Variants in MED15 observed in about 807,000 individuals in gnomAD.
MED15 encodes mediator complex subunit 15.
MED15 carries 41 observed loss-of-function variants against 118.7 expected under a neutral mutation model. That is an observed-to-expected ratio of 0.35 (90% CI 0.27 to 0.45). The LOEUF (loss-of-function observed/expected upper bound fraction) is 0.45. Among genes scored for constraint, MED15 ranks in the 20% least tolerant of loss-of-function variants. MED15 has a pLI of 1.00. For synonymous variants in MED15, 436 were observed against 413.9 expected, an observed-to-expected ratio of 1.05 and a Z score of -0.65; for missense variants, 740 against 1,025.5, an observed-to-expected ratio of 0.72 and a Z score of 3.80.
At chr22:20,547,336 C>G (rs566770873) in intron 2 of MED15, among the ~76,000 whole-genome samples, 2 of 152,254 alleles carry the variant, frequency 1.3e-5, no homozygotes, top group South Asian at 4.1e-4. Context: ...ATATTCAGCT[C>G]ATTTGTTTTA....
chr22:20,561,412 T>TG (rs1345675495), intron 5 of MED15, among the ~76,000 whole-genome samples: 4 of 151,428 alleles, frequency 2.6e-5, no homozygotes, highest in Non-Finnish European at 5.9e-5. Flanking sequence ...CCCAGCTACT[T>TG]GGGAGGCTGA....
rs2056908166 is a variant in MED15 at position 20,579,258 on chromosome 22, AG to A, written c.1273-3349del. Among the ~76,000 whole-genome samples, 3 of 152,232 alleles carry A rather than the reference AG, an allele frequency of 2.0e-5. No homozygotes were observed. The South Asian group carries it at 6.2e-4, about 32-fold the overall frequency. On this transcript the variant is annotated intron_variant, in intron 9 of 17. Coordinates refer to ENST00000263205, the MANE Select transcript of MED15 (RefSeq NM_001003891.3). ...AGCCTGTCTTTGGATGAGTCTTTGC[AG>A]GGGCTGCTTCTCATCCCAGGTGCTG...
chr22:20,553,093 G>A, intron 3 of MED15, 52 bp from the exon 4 acceptor site: 1 of 1,544,134 alleles, frequency 6.5e-7, no homozygotes, highest in Non-Finnish European at 8.9e-7. Context: ...GGAAATATGT[G>A]GTTATATAAA....
At chr22:20,581,168 C>G (rs940557687) in intron 9 of MED15, among the ~76,000 whole-genome samples, 1 of 152,220 alleles carries the variant, frequency 6.6e-6, no homozygotes, top group Non-Finnish European at 1.5e-5. Context: ...ACGGCCTGCA[C>G]CCAGCATCCC....
chr22:20,585,658 C>T, intron 16 of MED15, 70 bp from the exon 17 acceptor site: 1 of 1,427,920 alleles, frequency 7.0e-7, no homozygotes, highest in Non-Finnish European at 9.8e-7. Flanking sequence ...AGTCCTGTTC[C>T]AGAGCAGGGC....
At chr22:20,530,030 T>C (rs915330491) in intron 1 of MED15, among the ~76,000 whole-genome samples, 5 of 149,562 alleles carry the variant, frequency 3.3e-5, no homozygotes, top group African/African-American at 1.3e-4. Flanking sequence ...AGTCCAAATC[T>C]TTTTTTTAAT....
chr22:20,533,619 C>G (rs2146427564), intron 1 of MED15, among the ~76,000 whole-genome samples: 1 of 152,246 alleles, frequency 6.6e-6, no homozygotes, highest in East Asian at 1.9e-4. Context: ...CCACTCTGAC[C>G]CTCCGAAGCT....
chr22:20,538,340 C>T (rs922121695), intron 2 of MED15, among the ~76,000 whole-genome samples: 2 of 151,908 alleles, frequency 1.3e-5, no homozygotes, highest in Admixed American at 6.6e-5. Context: ...GCCTCAATCT[C>T]CCGGGCTTAG....
At chr22:20,572,446 C>T (rs1001949549) in intron 8 of MED15, among the ~76,000 whole-genome samples, 1 of 152,234 alleles carries the variant, frequency 6.6e-6, no homozygotes, top group African/African-American at 2.4e-5. Flanking sequence ...CAGGCCCTTG[C>T]AGTACTGTGG....
intron 8 of MED15, among the ~76,000 whole-genome samples, chr22:20,572,971 T>C (rs1400101808): frequency 5.9e-5 from 9 of 151,302 alleles, no homozygotes; most frequent in African/African-American, 1.2e-4. Flanking sequence ...ATTTTCTTTT[T>C]TTTTTTTTTT....
intron 1 of MED15, among the ~76,000 whole-genome samples, chr22:20,536,592 A>G (rs1033170459): frequency 6.6e-6 from 1 of 152,222 alleles, no homozygotes; most frequent in Admixed American, 6.5e-5. Flanking sequence ...TTGATCCCAC[A>G]TATAGGACCT....
At chr22:20,549,092 C>T (rs138154779) in intron 2 of MED15, among the ~76,000 whole-genome samples, 4 of 152,308 alleles carry the variant, frequency 2.6e-5, no homozygotes, top group African/African-American at 9.6e-5. Flanking sequence ...TGAGCCTCCA[C>T]GATTGGCCTC....
intron 1 of MED15, among the ~76,000 whole-genome samples, chr22:20,512,307 A>G (rs2054099125): frequency 6.6e-6 from 1 of 151,706 alleles, no homozygotes; most frequent in African/African-American, 2.4e-5. Context: ...TTTCTTTTTA[A>G]CCAATTTATT....
intron 4 of MED15, 118 bp downstream of exon 4, chr22:20,553,292 C>T (rs770436878): frequency 8.4e-5 from 90 of 1,066,734 alleles, no homozygotes; most frequent in South Asian, 3.0e-4. Context: ...AGAATGCTTG[C>T]GGAGAGAACT....
intron 2 of MED15, among the ~76,000 whole-genome samples, chr22:20,550,394 G>A (rs769074442): frequency 6.6e-6 from 1 of 152,046 alleles, no homozygotes; most frequent in Non-Finnish European, 1.5e-5. Context: ...TCCCCGAGCT[G>A]AAAAAAAGAA....
intron 2 of MED15, among the ~76,000 whole-genome samples, chr22:20,540,723 C>G (rs1276325094): frequency 6.6e-6 from 1 of 152,070 alleles, no homozygotes; most frequent in Non-Finnish European, 1.5e-5. Context: ...CAAAAAAGCA[C>G]AAGCTACAAA....
At chr22:20,523,919 G>T (rs1385005189) in intron 1 of MED15, 1 of 858,030 alleles carries the variant, frequency 1.2e-6, no homozygotes, top group Non-Finnish European at 1.4e-6. Context: ...AGGCAAGAAA[G>T]CGTCATCAAG....
At chr22:20,583,508 C>A in intron 13 of MED15, 115 bp downstream of exon 13, 1 of 1,277,722 alleles carries the variant, frequency 7.8e-7, no homozygotes, top group South Asian at 1.2e-5. Context: ...TCTTTGGACC[C>A]TGGCCAGAGG....
intron 16 of MED15, chr22:20,585,487 A>T: frequency 1.4e-6 from 1 of 728,660 alleles, no homozygotes; most frequent in Admixed American, 2.8e-5. Flanking sequence ...TCCCCAACAC[A>T]GATGTGGCTT....
Sources: allele counts gnomAD v4.1 joint callset (sites outside exome capture counted in the v4.1 genomes callset), GRCh38; gene constraint gnomAD v4.1.1; transcripts MANE v1.5; gene names NCBI Gene and HGNC (gene_info 2026-07-23, HGNC 2026-07-21).